The following ARF3 variants were observed in gnomAD, a reference collection of about 807,000 sequenced individuals.
ARF3 encodes the protein ARF GTPase 3.
Under a neutral mutation model 19.3 loss-of-function variants are expected in ARF3, and 5 were observed. That is an observed-to-expected ratio of 0.26 (90% CI 0.14 to 0.54). The LOEUF (loss-of-function observed/expected upper bound fraction) is 0.54. Among genes scored for constraint, ARF3 ranks in the 20% least tolerant of loss-of-function variants. The pLI is 0.95. For synonymous variants in ARF3, 71 were observed against 89.2 expected (o/e 0.80, Z 1.15); for missense variants, 77 against 234.2 (o/e 0.33, Z 4.38).
chr12:48,948,311 C>G (rs958565906), intron 1 of ARF3, among the ~76,000 whole-genome samples: 3 of 151,480 alleles, frequency 2.0e-5, no homozygotes, highest in African/African-American at 7.3e-5. Context: ...ACTCTGTCAC[C>G]CAGGCTCACT....
intron 1 of ARF3, among the ~76,000 whole-genome samples, chr12:48,954,118 G>A (rs1018606535): frequency 1.3e-5 from 2 of 152,182 alleles, no homozygotes; most frequent in Non-Finnish European, 2.9e-5. Context: ...TTATCTCAGA[G>A]TCACACTGAC....
chr12:48,952,646 G>A (rs1405384256), intron 1 of ARF3, among the ~76,000 whole-genome samples: 1 of 152,162 alleles, frequency 6.6e-6, no homozygotes, highest in Non-Finnish European at 1.5e-5. Context: ...AGTCAAGATG[G>A]AGCTGACAGT....
At chr12:48,945,535 C>A (rs1251945794) in intron 1 of ARF3, among the ~76,000 whole-genome samples, 2 of 151,484 alleles carry the variant, frequency 1.3e-5, no homozygotes, top group Non-Finnish European at 2.9e-5. Flanking sequence ...CACTCCAGCC[C>A]GGGCAGACAA....
chr12:48,951,875 G>A (rs1334698346), intron 1 of ARF3, among the ~76,000 whole-genome samples: 5 of 149,926 alleles, frequency 3.3e-5, no homozygotes, highest in South Asian at 2.1e-4. Flanking sequence ...GCGAAACTCC[G>A]TCTCAAAAAA....
At chr12:48,946,013 G>A (rs1365106327) in intron 1 of ARF3, among the ~76,000 whole-genome samples, 1 of 152,156 alleles carries the variant, frequency 6.6e-6, no homozygotes, top group African/African-American at 2.4e-5. Context: ...ATGCTGGCCA[G>A]GCTGGTCTCA....
At chr12:48,954,182 A>C (rs1174702903) in intron 1 of ARF3, among the ~76,000 whole-genome samples, 1 of 152,168 alleles carries the variant, frequency 6.6e-6, no homozygotes, top group Non-Finnish European at 1.5e-5. Context: ...CTACATCCAA[A>C]TTGATGGTTC....
intron 1 of ARF3, among the ~76,000 whole-genome samples, chr12:48,945,023 G>A (rs550042661): frequency 6.0e-5 from 9 of 149,794 alleles, no homozygotes; most frequent in African/African-American, 1.7e-4. Context: ...GGTGGTGCGC[G>A]CCTGTACTCA....
Position 48,938,210 on chromosome 12 carries a change from T to G in ARF3, c.*737A>C. The G allele has an allele frequency of 2.8e-6, 1 of 357,024 alleles. No homozygotes were observed. The highest frequency in any genetic ancestry group is 1.0e-3 in the Middle Eastern group (1 of 970). The allele number at this position is 357,024 out of a possible 1,614,324, so 22.1% of individuals were successfully genotyped here. On this transcript the variant is annotated 3_prime_UTR_variant, in exon 5 of 5. Coordinates refer to ENST00000256682, the MANE Select transcript of ARF3 (RefSeq NM_001659.3). The stretch of plus-strand genomic sequence containing the variant: ...GCCCTAAGAAGGGTGGAGAGAAGAG[T>G]ACAAGGAAAATGGTGGTGAAGAATC...
Position 48,941,159 on chromosome 12 carries a change from G to A in ARF3, c.-64C>T. On this transcript the variant is annotated 5_prime_UTR_variant, in exon 2 of 5. Transcript: ENST00000256682. ...GTAGGGGCAGTGGCAGTCTGGTTTT[G>A]GCCTGGTCCCTGGTATGGAAGACTT... The A allele has an allele frequency of 6.5e-7, 1 of 1,530,000 alleles. No individual in the cohort carries two copies. The highest frequency in any genetic ancestry group is 8.8e-7 in the Non-Finnish European group (1 of 1,131,038). The allele number at this position is 1,530,000 out of a possible 1,614,324, so 94.8% of individuals were successfully genotyped here.
In ARF3 at chr12:48,936,594, G is replaced by A. The variant is rs1323808781; in HGVS notation, c.*2353C>T. The A allele has an allele frequency of 6.6e-6, 1 of 152,628 alleles. No homozygotes were observed. Among genetic ancestry groups the A allele is most frequent in the Non-Finnish European group, 1.5e-5 (1 of 68,082 alleles). The allele number at this position is 152,628 out of a possible 1,614,324, so 9.5% of individuals were successfully genotyped here. ...CTGCCCCCTGCTGGACAGATCTGGG[G>A]CAGCACCAAGGCAACCTCCTAACAT... is the stretch of plus-strand genomic sequence containing the variant. On this transcript the variant is annotated 3_prime_UTR_variant, in exon 5 of 5. Coordinates refer to ENST00000256682, the MANE Select transcript of ARF3 (RefSeq NM_001659.3).
At position 48,945,140 on chromosome 12, in the gene ARF3, TAA is replaced by T. The variant is rs36072910; in HGVS notation, c.-93-3954_-93-3953del. On this transcript the variant is annotated intron_variant, in intron 1 of 4. Coordinates refer to ENST00000256682, the MANE Select transcript of ARF3 (RefSeq NM_001659.3). ...TGGTTGACAGAGGAAGACTCTGTCT[TAA>T]AAAAAAAAAAAAAAAAAAAAGGCCG... 9.3e-3 allele frequency among the ~76,000 whole-genome samples: 855 copies of T among 92,236 alleles called. 15 individuals are homozygous for T. The highest frequency in any genetic ancestry group is 0.02 in the Middle Eastern group (3 of 150). The allele number at this position is 92,236 out of a possible 152,430, so 60.5% of individuals were successfully genotyped here.
In ARF3 at chr12:48,939,039, T is replaced by C. The variant is rs1940205336; in HGVS notation, c.454A>G (p.Asn152Asp). ...GCACAGGTGGCCTGAATGTACCAGT[T>C]ACGGTGACGAAGGGAATGCAGGCCC... is the stretch of plus-strand genomic sequence containing the variant. ...KLGLHSLRHRNWYIQATCATS... is the reference protein window; with the variant it reads ...KLGLHSLRHRDWYIQATCATS... The change falls in exon 5 of 5, where the codon AAC (asparagine) becomes GAC (aspartate). Residue 152 changes from asparagine (N) to aspartate (D), a missense_variant. By Grantham distance (23) the Asn-to-Asp change is conservative (BLOSUM62 1). Coordinates refer to ENST00000256682, the MANE Select transcript of ARF3 (RefSeq NM_001659.3). The surrounding 1 kb of genome is among the most constrained non-coding windows in gnomAD (Gnocchi z 4.8). The C allele has an allele frequency of 6.2e-7, 1 of 1,613,830 alleles. No individual in the cohort carries two copies. Among genetic ancestry groups the C allele is most frequent in the Admixed American group, 1.7e-5 (1 of 60,006 alleles).
chr12:48,951,785 A>G (rs963635487), intron 1 of ARF3, among the ~76,000 whole-genome samples: 1 of 151,960 alleles, frequency 6.6e-6, no homozygotes, highest in Admixed American at 6.5e-5. Context: ...AAGCTGAGGC[A>G]GGAGAATGGT....
At chr12:48,944,454 C>A (rs535535814) in intron 1 of ARF3, among the ~76,000 whole-genome samples, 1 of 152,340 alleles carries the variant, frequency 6.6e-6, no homozygotes, top group Admixed American at 6.5e-5. Context: ...CTCAATGTGG[C>A]ACTTACTACC....
In ARF3 at chr12:48,939,260, T is replaced by A; in HGVS notation, c.385-152A>T. On this transcript the variant is annotated intron_variant, in intron 4 of 4. Coordinates refer to ENST00000256682, the MANE Select transcript of ARF3 (RefSeq NM_001659.3). This position sits in a 1 kb window ranked among gnomAD's most constrained non-coding sequence, Gnocchi z 4.8. ...AAGATCCTAAGGAGCTACTTTGGAT[T>A]TAGTCACCTAGAACTCAAGATCCAA... 1.1e-6 allele frequency: 1 copy of A among 924,832 alleles called. No homozygotes were observed. The highest frequency in any genetic ancestry group is 1.6e-6 in the Non-Finnish European group (1 of 634,126). The allele number at this position is 924,832 out of a possible 1,614,324, so 57.3% of individuals were successfully genotyped here.
At position 48,938,531 on chromosome 12, in the gene ARF3, G is replaced by C. The variant is rs1184700582; in HGVS notation, c.*416C>G. ...GCCCGTGCAATTTCCATGTAAAACA[G>C]GGAGAGGGTGGCAAAGGAAAGGCAA... On this transcript the variant is annotated 3_prime_UTR_variant, in exon 5 of 5. Coordinates refer to ENST00000256682, the MANE Select transcript of ARF3 (RefSeq NM_001659.3). 8 of 454,066 alleles carry C rather than the reference G, an allele frequency of 1.8e-5. No individual in the cohort carries two copies. The highest frequency in any genetic ancestry group is 3.5e-5 in the Non-Finnish European group (8 of 225,808). The allele number at this position is 454,066 out of a possible 1,614,324, so 28.1% of individuals were successfully genotyped here.
chr12:48,948,623 C>T (rs1940403642), intron 1 of ARF3, among the ~76,000 whole-genome samples: 1 of 151,980 alleles, frequency 6.6e-6, no homozygotes, highest in South Asian at 2.1e-4. Context: ...TCAGCCTGGC[C>T]AACATGGTAA....
rs538325469 is a variant in ARF3, at chr12:48,955,521, C to T, written c.-94+1789G>A. Among the ~76,000 whole-genome samples the T allele has an allele frequency of 9.2e-5, 14 of 152,334 alleles. No individual in the cohort carries two copies. In the East Asian group the frequency reaches 2.3e-3, roughly 25 times the overall value. Reference sequence around the variant, plus strand: ...GCCTATTCTGTGCCTCTTAGGAAGGCAGAGACACAAAAACTTCTTAATTAC... The same window carrying T: ...GCCTATTCTGTGCCTCTTAGGAAGGTAGAGACACAAAAACTTCTTAATTAC... On this transcript the variant is annotated intron_variant, in intron 1 of 4. Transcript: ENST00000256682.
intron 1 of ARF3, chr12:48,957,070 G>C (rs1237949621): frequency 6.6e-6 from 1 of 152,320 alleles, no homozygotes; most frequent in Non-Finnish European, 1.5e-5. Context: ...CCCCTTGAGC[G>C]AGGCGGAGGA....
Sources: allele counts gnomAD v4.1 joint callset (sites outside exome capture counted in the v4.1 genomes callset), GRCh38; gene constraint gnomAD v4.1.1; non-coding constraint Gnocchi (gnomAD v3.1); transcripts MANE v1.5; gene names NCBI Gene and HGNC (gene_info 2026-07-23, HGNC 2026-07-21).